The following GSK3B variants were observed in gnomAD, a reference collection of about 807,000 sequenced individuals.
The protein encoded by GSK3B is glycogen synthase kinase-3 beta.
A neutral mutation model predicts 56.4 loss-of-function variants in GSK3B; 15 were observed. The ratio of observed to expected loss-of-function variants is 0.27; its 90% confidence interval spans 0.18 to 0.41. The LOEUF (loss-of-function observed/expected upper bound fraction) is 0.41. GSK3B is among the 10% of genes least tolerant of loss of function. The probability of loss-of-function intolerance (pLI) is 1.00; values close to 1 mark genes in which losing one functional copy is unlikely to be tolerated. For synonymous variants in GSK3B, 181 were observed against 188.9 expected, an observed-to-expected ratio of 0.96 and a Z score of 0.34; for missense variants, 300 against 513.4, an observed-to-expected ratio of 0.58 and a Z score of 4.02.
chr3:119,982,440 C>T (rs1454068757), intron 2 of GSK3B, among the ~76,000 whole-genome samples: 1 of 152,092 alleles, frequency 6.6e-6, no homozygotes, highest in Non-Finnish European at 1.5e-5. Flanking sequence ...ATGTTCAAAC[C>T]CATCGCAAGG....
chr3:119,954,593 CTTAT>C (rs1193023154), intron 2 of GSK3B, among the ~76,000 whole-genome samples: 1 of 152,102 alleles, frequency 6.6e-6, no homozygotes, highest in African/African-American at 2.4e-5. Context: ...TCATTCTCAA[CTTAT>C]TTATAAAACA....
At chr3:119,882,425 G>C (rs2056390313) in intron 7 of GSK3B, among the ~76,000 whole-genome samples, 1 of 152,064 alleles carries the variant, frequency 6.6e-6, no homozygotes, top group African/African-American at 2.4e-5. Flanking sequence ...AAGTTTTACA[G>C]TGAACACCAA....
intron 3 of GSK3B, among the ~76,000 whole-genome samples, chr3:119,925,068 C>A (rs1425147958): frequency 6.6e-6 from 1 of 152,200 alleles, no homozygotes; most frequent in East Asian, 1.9e-4. Flanking sequence ...GTGGCTTACG[C>A]CTGTAATCCC....
chr3:120,054,622 T>C (rs749266573), intron 1 of GSK3B, among the ~76,000 whole-genome samples: 45 of 152,154 alleles, frequency 3.0e-4, no homozygotes, highest in Non-Finnish European at 5.3e-4. Context: ...CCCTCAATTA[T>C]CAGAGGGTCT....
chr3:120,009,682 G>T (rs1266100817), intron 1 of GSK3B, among the ~76,000 whole-genome samples: 1 of 151,948 alleles, frequency 6.6e-6, no homozygotes, highest in Non-Finnish European at 1.5e-5. Context: ...ACACACCAGG[G>T]TCTGTGGGGG....
At chr3:119,873,294 C>T (rs1200783496) in intron 8 of GSK3B, among the ~76,000 whole-genome samples, 1 of 151,922 alleles carries the variant, frequency 6.6e-6, no homozygotes, top group Non-Finnish European at 1.5e-5. Flanking sequence ...AATGTTTCCA[C>T]AAAAGACATT....
chr3:119,963,975 A>G (rs2057297290), intron 2 of GSK3B, among the ~76,000 whole-genome samples: 1 of 152,206 alleles, frequency 6.6e-6, no homozygotes, highest in African/African-American at 2.4e-5. Context: ...TTTCTTGGAT[A>G]ACAGGCAACA....
intron 1 of GSK3B, among the ~76,000 whole-genome samples, chr3:120,073,833 A>ATT (rs2058347152): frequency 6.6e-6 from 1 of 152,202 alleles, no homozygotes; most frequent in African/African-American, 2.4e-5. Context: ...ATTAAATAAG[A>ATT]TACAAACAAG....
intron 3 of GSK3B, among the ~76,000 whole-genome samples, chr3:119,944,734 C>G (rs1258241440): frequency 6.6e-6 from 1 of 152,110 alleles, no homozygotes; most frequent in Non-Finnish European, 1.5e-5. Context: ...TCTCTACTTG[C>G]ATGTGTCATA....
intron 1 of GSK3B, among the ~76,000 whole-genome samples, chr3:120,082,671 G>A (rs899965953): frequency 1.3e-5 from 2 of 151,910 alleles, no homozygotes; most frequent in African/African-American, 4.8e-5. Context: ...TGGGATTACA[G>A]GCATGAGCCA....
intron 2 of GSK3B, among the ~76,000 whole-genome samples, chr3:119,953,001 TATG>T (rs1464802945): frequency 2.6e-5 from 4 of 152,036 alleles, no homozygotes; most frequent in African/African-American, 9.7e-5. Context: ...AAAGACAGAA[TATG>T]ATAACAGTTG....
At chr3:119,866,908 C>A (rs2056191824) in intron 8 of GSK3B, among the ~76,000 whole-genome samples, 1 of 151,918 alleles carries the variant, frequency 6.6e-6, no homozygotes, top group Non-Finnish European at 1.5e-5. Flanking sequence ...TATTATGTTC[C>A]AATGCCAGTG....
chr3:119,877,730 A>G lies in GSK3B; in HGVS notation c.814-1222T>C, dbSNP rs547206182. Among the ~76,000 whole-genome samples, 218 of 152,332 alleles carry G rather than the reference A, an allele frequency of 1.4e-3. 1 individual carries two copies. Among genetic ancestry groups the G allele is most frequent in the African/African-American group, 4.9e-3 (204 of 41,574 alleles). ...TTACATATTTGTATGTCAAAAAAGT[A>G]TAATTACAGTACACAACAAAAATGT... On this transcript the variant is annotated intron_variant, in intron 7 of 10. Transcript: ENST00000264235.
chr3:119,882,365 C>A (rs1298152339), intron 7 of GSK3B, among the ~76,000 whole-genome samples: 1 of 152,070 alleles, frequency 6.6e-6, no homozygotes, highest in Non-Finnish European at 1.5e-5. Flanking sequence ...TAGATCTAAA[C>A]ATTTTACCTA....
At chr3:119,884,647 G>GT (rs2056414730) in intron 7 of GSK3B, among the ~76,000 whole-genome samples, 1 of 151,606 alleles carries the variant, frequency 6.6e-6, no homozygotes, top group Non-Finnish European at 1.5e-5. Flanking sequence ...ACAAGGAAGA[G>GT]TTTTTACAAA....
At chr3:119,968,564 T>C (rs2057339540) in intron 2 of GSK3B, among the ~76,000 whole-genome samples, 1 of 152,294 alleles carries the variant, frequency 6.6e-6, no homozygotes, top group African/African-American at 2.4e-5. Flanking sequence ...ATCATATATA[T>C]AGATGCTGAA....
At chr3:120,029,802 C>T in intron 1 of GSK3B, 1 of 553,642 alleles carries the variant, frequency 1.8e-6, no homozygotes. Context: ...GAACAGGGAG[C>T]TTCTAGTGAA....
intron 4 of GSK3B, among the ~76,000 whole-genome samples, chr3:119,921,250 A>G (rs1295116356): frequency 2.6e-5 from 4 of 152,224 alleles, no homozygotes; most frequent in Admixed American, 1.3e-4. Flanking sequence ...TATATAAACT[A>G]TATCTCAGGG....
chr3:119,896,491 T>C (rs1049952114), intron 7 of GSK3B, among the ~76,000 whole-genome samples: 1 of 152,174 alleles, frequency 6.6e-6, no homozygotes, highest in Non-Finnish European at 1.5e-5. Context: ...ACTAACACTA[T>C]AGTTCTTTGT....
Sources: allele counts gnomAD v4.1 joint callset (sites outside exome capture counted in the v4.1 genomes callset), GRCh38; gene constraint gnomAD v4.1.1; transcripts MANE v1.5; gene names NCBI Gene and HGNC (gene_info 2026-07-23, HGNC 2026-07-21).